The following MAPRE2 variants were observed in gnomAD, a reference collection of about 807,000 sequenced individuals.
The protein encoded by MAPRE2 is microtubule-associated protein RP/EB family member 2.
In MAPRE2, 13 loss-of-function variants were observed where a neutral mutation model predicts 43.2. That is an observed-to-expected ratio of 0.30 (90% confidence interval 0.20 to 0.48). The LOEUF (loss-of-function observed/expected upper bound fraction) is 0.48, where lower values mean the gene tolerates loss of function less well. Among genes scored for constraint, MAPRE2 ranks in the 20% least tolerant of loss-of-function variants. The pLI is 0.99. For synonymous variants in MAPRE2, 135 were observed against 148.8 expected (o/e 0.91, Z 0.68); for missense variants, 161 against 400.2 (o/e 0.40, Z 5.10).
intron 6 of MAPRE2, among the ~76,000 whole-genome samples, chr18:35,132,546 T>C (rs1234836087): frequency 6.6e-6 from 1 of 152,152 alleles, no homozygotes; most frequent in Non-Finnish European, 1.5e-5. Context: ...CAGAGTGTAG[T>C]TAAAGGAGAA....
At chr18:35,124,117 A>G (rs1397799290) in intron 4 of MAPRE2, among the ~76,000 whole-genome samples, 1 of 152,166 alleles carries the variant, frequency 6.6e-6, no homozygotes, top group Non-Finnish European at 1.5e-5. Flanking sequence ...CCAAGACAGG[A>G]TAATTTATAA....
intron 1 of MAPRE2, among the ~76,000 whole-genome samples, chr18:35,003,366 A>G (rs573192630): frequency 2.0e-5 from 3 of 152,380 alleles, no homozygotes; most frequent in South Asian, 2.1e-4. Flanking sequence ...GCCAGACTCA[A>G]TTAAAATCTA....
At position 35,127,335 on chromosome 18, in the gene MAPRE2, C is replaced by T. The variant is rs539989007; in HGVS notation, c.750+248C>T. On this transcript the variant is annotated intron_variant, in intron 5 of 6. Coordinates refer to ENST00000300249, the MANE Select transcript of MAPRE2 (RefSeq NM_014268.4). ...GATGGCTCAGCCTTGCTGCAGACTT[C>T]AGGCTACCTTCCCCTCCCCTGCTCC... is the stretch of plus-strand genomic sequence containing the variant. The T allele has an allele frequency of 6.8e-4, 293 of 428,864 alleles. 3 individuals are homozygous for T. The highest frequency in any genetic ancestry group is 4.7e-3 in the African/African-American group (235 of 50,148). 26.6% of individuals were successfully genotyped at this position (428,864 alleles called of 1,614,324 possible).
chr18:35,118,141 G>A lies in MAPRE2; in HGVS notation c.611-8807G>A, dbSNP rs1053502805. Among the ~76,000 whole-genome samples the A allele has an allele frequency of 5.3e-5, 8 of 152,102 alleles. No individual in the cohort carries two copies. The East Asian group carries it at 7.7e-4, about 15-fold the overall frequency. Reference sequence around the variant, plus strand: ...GTCAGGCCCTCTGTCCTTGGCAGGGGCAGGCTTTGAGACCACAAGTCAGCG... The same window carrying A: ...GTCAGGCCCTCTGTCCTTGGCAGGGACAGGCTTTGAGACCACAAGTCAGCG... On this transcript the variant is annotated intron_variant, in intron 4 of 6. Transcript: ENST00000300249.
At chr18:35,003,420 C>A (rs2150579661) in intron 1 of MAPRE2, among the ~76,000 whole-genome samples, 1 of 152,352 alleles carries the variant, frequency 6.6e-6, no homozygotes, top group South Asian at 2.1e-4. Context: ...CCCCACTACT[C>A]TGAGCCTCTG....
At chr18:35,040,491 TA>T (rs1386601666), upstream of MAPRE2, among the ~76,000 whole-genome samples, 2 of 152,264 alleles carry the variant, frequency 1.3e-5, no homozygotes, top group East Asian at 1.9e-4. Context: ...GCAGTTTACT[TA>T]ATCTTACTAG....
At chr18:35,043,716 C>T (rs1399650308) in intron 1 of MAPRE2, among the ~76,000 whole-genome samples, 7 of 152,138 alleles carry the variant, frequency 4.6e-5, no homozygotes, top group Non-Finnish European at 8.8e-5. Context: ...GATGATATAG[C>T]GAGAGGTGTC....
At chr18:35,032,601 G>A (rs1040780089) in intron 2 of MAPRE2, among the ~76,000 whole-genome samples, 7 of 152,112 alleles carry the variant, frequency 4.6e-5, no homozygotes, top group Admixed American at 1.3e-4. Flanking sequence ...CTAGGGACTC[G>A]AAATTAAAAT....
At chr18:35,018,197 T>C (rs1181037095) in intron 2 of MAPRE2, among the ~76,000 whole-genome samples, 2 of 152,040 alleles carry the variant, frequency 1.3e-5, no homozygotes, top group African/African-American at 4.8e-5. Context: ...GATATGCTGT[T>C]GGATTTAACT....
intron 1 of MAPRE2, among the ~76,000 whole-genome samples, chr18:34,982,044 T>C (rs1297883429): frequency 2.0e-5 from 3 of 151,654 alleles, no homozygotes; most frequent in Non-Finnish European, 2.9e-5. Context: ...CCACCACACC[T>C]GGCTAATTTT....
intron 1 of MAPRE2, among the ~76,000 whole-genome samples, chr18:35,053,422 A>T (rs1367882851): frequency 1.3e-5 from 2 of 152,052 alleles, no homozygotes; most frequent in African/African-American, 4.8e-5. Flanking sequence ...ATAAAAAAAC[A>T]GTATTTAATA....
chr18:34,985,460 G>A (rs1465760889), intron 1 of MAPRE2, among the ~76,000 whole-genome samples: 1 of 36,172 alleles, frequency 2.8e-5, no homozygotes, highest in Non-Finnish European at 4.6e-5. Context: ...TAACTATATT[G>A]TATATTATAT....
chr18:35,115,277 C>A (rs1404800324), intron 4 of MAPRE2, among the ~76,000 whole-genome samples: 4 of 152,180 alleles, frequency 2.6e-5, no homozygotes, highest in African/African-American at 9.7e-5. Context: ...TTGAAGTGCT[C>A]TCCAGTCATT....
chr18:35,040,641 C>A (rs2097053185), upstream of MAPRE2, among the ~76,000 whole-genome samples: 1 of 152,140 alleles, frequency 6.6e-6, no homozygotes, highest in African/African-American at 2.4e-5. Flanking sequence ...TTTTGTAATT[C>A]AAATGGAAAT....
intron 3 of MAPRE2, among the ~76,000 whole-genome samples, chr18:35,098,169 C>T (rs1293990293): frequency 2.6e-5 from 4 of 152,108 alleles, no homozygotes; most frequent in Non-Finnish European, 4.4e-5. Context: ...TGCAAATGGC[C>T]TGGAGTACTT....
intron 2 of MAPRE2, among the ~76,000 whole-genome samples, chr18:35,011,154 G>A (rs1350542564): frequency 6.6e-6 from 1 of 152,130 alleles, no homozygotes; most frequent in African/African-American, 2.4e-5. Context: ...CCAGAGTGCT[G>A]AGTGCTGTGG....
intron 2 of MAPRE2, among the ~76,000 whole-genome samples, chr18:35,009,906 A>G (rs575713342): frequency 6.6e-6 from 1 of 152,314 alleles, no homozygotes; most frequent in Non-Finnish European, 1.5e-5. Context: ...CCACAGCACC[A>G]GAACCTTCAC....
chr18:35,020,487 C>T (rs771110250), intron 2 of MAPRE2, among the ~76,000 whole-genome samples: 2 of 151,846 alleles, frequency 1.3e-5, no homozygotes, highest in Non-Finnish European at 2.9e-5. Context: ...TATAAGCTGG[C>T]CTGAACCATT....
chr18:35,047,389 A>G (rs1905683774), intron 1 of MAPRE2, among the ~76,000 whole-genome samples: 1 of 151,892 alleles, frequency 6.6e-6, no homozygotes, highest in Non-Finnish European at 1.5e-5. Flanking sequence ...TCTTTCTAAC[A>G]CTCCACACAC....
Sources: allele counts gnomAD v4.1 joint callset (sites outside exome capture counted in the v4.1 genomes callset), GRCh38; gene constraint gnomAD v4.1.1; transcripts MANE v1.5; gene names NCBI Gene and HGNC (gene_info 2026-07-23, HGNC 2026-07-21).